Variants in GAK observed in about 807,000 individuals in gnomAD.
The protein encoded by GAK is cyclin-G-associated kinase.
A neutral mutation model predicts 143.9 loss-of-function variants in GAK; 79 were observed. The ratio of observed to expected loss-of-function variants is 0.55; its 90% CI spans 0.46 to 0.66. The LOEUF (loss-of-function observed/expected upper bound fraction) is 0.66. GAK is among the 30% of genes least tolerant of loss of function. The pLI, the probability that GAK is intolerant of heterozygous loss-of-function variation, is 0.00. For synonymous variants in GAK, 881 were observed against 765.5 expected, an observed-to-expected ratio of 1.15 and a Z score of -2.49; for missense variants, 1,693 against 1,779.7, an observed-to-expected ratio of 0.95 and a Z score of 0.88.
chr4:868,844 G>C lies in GAK; in HGVS notation c.2249-159C>G, dbSNP rs916010502. 21 of 704,566 alleles carry C rather than the reference G, an allele frequency of 3.0e-5. No homozygotes were observed. The African/African-American group carries it at 3.4e-4, about 11-fold the overall frequency. 43.6% of individuals were successfully genotyped at this position (704,566 alleles called of 1,614,324 possible). On this transcript the variant is annotated intron_variant, in intron 19 of 27. Coordinates refer to ENST00000314167, the MANE Select transcript of GAK (RefSeq NM_005255.4). ...ATGACATGACGGGGAGGGGCTCTCT[G>C]AACAGATTCCTGCTATCCACTCGGA... is the stretch of plus-strand genomic sequence containing the variant.
At chr4:871,451 G>A (rs1712602058) in intron 18 of GAK, among the ~76,000 whole-genome samples, 1 of 152,236 alleles carries the variant, frequency 6.6e-6, no homozygotes. Context: ...CGTCCGCCCT[G>A]ACAAAAATCC....
chr4:911,059 G>A (rs900678447), intron 4 of GAK, among the ~76,000 whole-genome samples: 2 of 151,816 alleles, frequency 1.3e-5, no homozygotes, highest in African/African-American at 4.8e-5. Flanking sequence ...AGAACTCTCC[G>A]AAAGCACCAC....
At position 888,382 on chromosome 4, in the gene GAK, A is replaced by G. The variant is rs375084186; in HGVS notation, c.1205+465T>C. On this transcript the variant is annotated intron_variant, in intron 11 of 27. Transcript: ENST00000314167. ...GGGCCTGTGGGCCGATGTCGGGGCC[A>G]CCCCCGCACAGACGCGCCCTTGGAC... The G allele has an allele frequency of 8.0e-4, 124 of 155,936 alleles. No individual in the cohort carries two copies. In the South Asian group the frequency reaches 0.015, roughly 18 times the overall value. 9.7% of individuals were successfully genotyped at this position (155,936 alleles called of 1,614,324 possible).
chr4:879,842 C>T (rs1027351094), intron 15 of GAK, among the ~76,000 whole-genome samples: 3 of 152,198 alleles, frequency 2.0e-5, no homozygotes, highest in African/African-American at 7.2e-5. Context: ...TTGTTCTACC[C>T]CACGCTTTCT....
chr4:852,948 C>G (rs553476226), intron 24 of GAK: 24 of 152,406 alleles, frequency 1.6e-4, no homozygotes, highest in African/African-American at 5.5e-4. Context: ...ACTGACCGCA[C>G]CACGGATTCC....
At chr4:850,091 C>A (rs571947865) in intron 26 of GAK, 23 bp from the exon 27 acceptor site, 1 of 1,542,840 alleles carries the variant, frequency 6.5e-7, no homozygotes, top group Non-Finnish European at 8.8e-7. Flanking sequence ...CGGAGCTTGC[C>A]GAGCCCTGGG....
Position 849,347 on chromosome 4 carries a change from G to T in GAK, c.*326C>A. The T allele has an allele frequency of 2.4e-6, 1 of 412,158 alleles. No homozygotes were observed. The highest frequency in any genetic ancestry group is 2.8e-5 in the South Asian group (1 of 35,650). The allele number at this position is 412,158 out of a possible 1,614,324, so 25.5% of individuals were successfully genotyped here. ...TTACAAAGTGCGGTGCAAACACCAG[G>T]GCCCATGAGCGCCAGCAGCGTGGCC... is the stretch of plus-strand genomic sequence containing the variant. On this transcript the variant is annotated 3_prime_UTR_variant, in exon 28 of 28. Coordinates refer to ENST00000314167, the MANE Select transcript of GAK (RefSeq NM_005255.4).
Position 868,556 on chromosome 4 carries a change from T to C in GAK, c.2378A>G (p.His793Arg). ...SSSADASRFL[H>R]TLDWQEEKEA... ...CTGCCTACCCTGCCAGTCCAGCGTG[T>C]GCAGGAAGCGACTGGCGTCCGCGCT... The change falls in exon 20 of 28, where the codon CAC (histidine) becomes CGC (arginine). Residue 793 changes from histidine (H) to arginine (R), a missense_variant. Around this residue, in one of 2 missense-constraint regions of GAK, gnomAD observed 822 missense variants for 788.7 expected, o/e 1.04. Coordinates refer to ENST00000314167, the MANE Select transcript of GAK (RefSeq NM_005255.4). 1.2e-6 allele frequency: 2 copies of C among 1,608,190 alleles called. No individual in the cohort carries two copies. The highest frequency in any genetic ancestry group is 8.5e-7 in the Non-Finnish European group (1 of 1,178,546).
At chr4:886,436 G>A (rs1456134724) in intron 11 of GAK, 1 of 152,208 alleles carries the variant, frequency 6.6e-6, no homozygotes, top group Non-Finnish European at 1.5e-5. Context: ...GCGTGGCCTG[G>A]AGTCCCCCAG....
chr4:857,354 C>T (rs566373248), intron 24 of GAK, among the ~76,000 whole-genome samples: 2 of 152,220 alleles, frequency 1.3e-5, no homozygotes, highest in South Asian at 2.1e-4. Flanking sequence ...GAAAGTGCTC[C>T]GTCTCTCCTG....
At chr4:859,984 T>C (rs1342479838) in intron 23 of GAK, among the ~76,000 whole-genome samples, 3 of 152,240 alleles carry the variant, frequency 2.0e-5, no homozygotes, top group Admixed American at 6.5e-5. Context: ...ATTATGATTA[T>C]GATTCTGCAG....
chr4:919,363 C>T (rs532502525), intron 1 of GAK, among the ~76,000 whole-genome samples: 10 of 151,528 alleles, frequency 6.6e-5, no homozygotes, highest in East Asian at 2.0e-4. Context: ...AGGGCCTCAG[C>T]GCCCCATGAC....
chr4:920,538 C>CTTTTTTTTTTTTT (rs1560440258), intron 1 of GAK, among the ~76,000 whole-genome samples: 6 of 73,772 alleles, frequency 8.1e-5, no homozygotes, highest in Non-Finnish European at 1.5e-4. Flanking sequence ...GGTTTAGAGC[C>CTTTTTTTTTTTTT]ATTTTTTTTT....
intron 27 of GAK, 58 bp downstream of exon 27, chr4:849,834 A>AGGGGGGGGCCCCCCCCCC: frequency 1.1e-6 from 1 of 942,246 alleles, no homozygotes; most frequent in Non-Finnish European, 1.6e-6. Flanking sequence ...GCGGGGCAGG[A>AGGGGGGGGCCCCCCCCCC]CCCCCCCCCC....
chr4:876,437 C>A (rs1713893488), intron 18 of GAK, 93 bp downstream of exon 18: 1 of 1,103,146 alleles, frequency 9.1e-7, no homozygotes, highest in African/African-American at 1.5e-5. Flanking sequence ...CAGCCCGCCA[C>A]TCCCCCTGGG....
At chr4:925,632 G>A (rs1724592062) in intron 1 of GAK, among the ~76,000 whole-genome samples, 1 of 152,170 alleles carries the variant, frequency 6.6e-6, no homozygotes, top group African/African-American at 2.4e-5. Context: ...GTTAGGAGGT[G>A]GGGCCTCCTT....
chr4:872,761 C>A (rs941021428), intron 18 of GAK: 2 of 152,612 alleles, frequency 1.3e-5, no homozygotes, highest in Non-Finnish European at 2.9e-5. Flanking sequence ...GCGCTGAGGG[C>A]ACAATGAGGT....
intron 26 of GAK, 180 bp from the exon 27 acceptor site, chr4:850,248 G>A (rs559861552): frequency 1.3e-5 from 7 of 519,008 alleles, no homozygotes; most frequent in Non-Finnish European, 2.3e-5. Flanking sequence ...CACTCCGGAC[G>A]ACACAGGGCC....
intron 11 of GAK, 133 bp from the exon 12 acceptor site, chr4:884,219 G>A (rs1409456663): frequency 2.8e-6 from 2 of 718,140 alleles, no homozygotes; most frequent in Non-Finnish European, 4.8e-6. Context: ...CAGGAGGAAC[G>A]TGTGTGTGCA....
Sources: gnomAD v4.1 joint callset for allele counts (sites outside exome capture counted in the v4.1 genomes callset) on GRCh38, gnomAD v4.1.1 for gene constraint, gnomAD v4.1.1 regional missense constraint, MANE v1.5 for transcripts, NCBI Gene and HGNC (gene_info 2026-07-23, HGNC 2026-07-21) for gene names.